PACS1: variants seen among roughly 807,000 people sequenced by gnomAD.
PACS1 encodes PACS-1.
In PACS1, 24 loss-of-function variants were observed where a neutral mutation model predicts 115.0. The observed-to-expected ratio is 0.21, with a 90% CI of 0.15 to 0.29. The LOEUF is 0.29. Among genes scored for constraint, PACS1 ranks in the 10% least tolerant of loss-of-function variants. PACS1 has a pLI of 1.00. For missense variants in PACS1, 838 were observed against 1,251.2 expected, an observed-to-expected ratio of 0.67 and a Z score of 4.98; for synonymous variants, 453 against 504.5, an observed-to-expected ratio of 0.90 and a Z score of 1.37.
intron 10 of PACS1, among the ~76,000 whole-genome samples, chr11:66,224,938 G>A (rs779009247): frequency 2.6e-5 from 4 of 151,990 alleles, no homozygotes; most frequent in Non-Finnish European, 5.9e-5. Context: ...TCAGTTTATC[G>A]CTAGAACCAG....
intron 2 of PACS1, among the ~76,000 whole-genome samples, chr11:66,198,570 A>G (rs1330602201): frequency 7.4e-6 from 1 of 134,470 alleles, no homozygotes; most frequent in Admixed American, 7.9e-5. Context: ...CAGGAAATAG[A>G]TTGTAGTTGC....
At chr11:66,112,100 C>T (rs1268069809) in intron 1 of PACS1, among the ~76,000 whole-genome samples, 1 of 152,224 alleles carries the variant, frequency 6.6e-6, no homozygotes, top group Non-Finnish European at 1.5e-5. Flanking sequence ...TGATCTGTTT[C>T]ACTGCCTGTG....
At chr11:66,190,283 A>G (rs1196724681) in intron 1 of PACS1, among the ~76,000 whole-genome samples, 1 of 152,178 alleles carries the variant, frequency 6.6e-6, no homozygotes, top group Non-Finnish European at 1.5e-5. Flanking sequence ...TCAGATGAGG[A>G]CGAACGTTGG....
At chr11:66,187,606 G>A (rs937636763) in intron 1 of PACS1, among the ~76,000 whole-genome samples, 2 of 152,098 alleles carry the variant, frequency 1.3e-5, no homozygotes, top group African/African-American at 4.8e-5. Flanking sequence ...AATATTCTCA[G>A]TTCCATCCAT....
At chr11:66,102,304 CTATTAT>C (rs546729593) in intron 1 of PACS1, among the ~76,000 whole-genome samples, 3,781 of 150,474 alleles carry the variant, frequency 0.025, 150 homozygotes, top group African/African-American at 0.084. Flanking sequence ...ATCGGATTTA[CTATTAT>C]TATTATTATT....
rs1370775205 is a variant in PACS1, at chr11:66,070,578, A to T, written c.92A>T (p.Gln31Leu). The change falls in exon 1 of 24, where the codon CAG becomes CTG. Residue 31 changes from glutamine to leucine, a missense_variant. Transcript: ENST00000320580. This position sits in a 1 kb window ranked among gnomAD's most constrained non-coding sequence, Gnocchi z 5.9. Reference protein sequence around the residue: ...RGSGVAQSPQQPPPQQQQQQP... With the variant: ...RGSGVAQSPQLPPPQQQQQQP... The stretch of plus-strand genomic sequence containing the variant: ...TCCGGGGTCGCCCAGTCCCCTCAGC[A>T]GCCGCCGCCGCAGCAGCAGCAGCAG... 6.0e-6 allele frequency: 9 copies of T among 1,491,798 alleles called. No homozygotes were observed. Among genetic ancestry groups the T allele is most frequent in the Non-Finnish European group, 8.0e-6 (9 of 1,127,970 alleles). 92.4% of individuals were successfully genotyped at this position (1,491,798 alleles called of 1,614,324 possible). A position where few individuals can be genotyped will look rare whatever the true frequency, so the allele number is the denominator to read the frequency against.
intron 1 of PACS1, among the ~76,000 whole-genome samples, chr11:66,112,130 C>T (rs534112234): frequency 2.0e-5 from 3 of 152,316 alleles, no homozygotes; most frequent in African/African-American, 7.2e-5. Flanking sequence ...TCTACACTGC[C>T]GGCAGAGTGG....
At chr11:66,195,057 C>G (rs997037818) in intron 2 of PACS1, among the ~76,000 whole-genome samples, 1 of 152,140 alleles carries the variant, frequency 6.6e-6, no homozygotes, top group Non-Finnish European at 1.5e-5. Context: ...AACCCCATCT[C>G]TACTAAAAAT....
At chr11:66,073,478 G>A (rs1471821624) in intron 1 of PACS1, among the ~76,000 whole-genome samples, 1 of 152,110 alleles carries the variant, frequency 6.6e-6, no homozygotes, top group African/African-American at 2.4e-5. Context: ...CAGAGAAGAG[G>A]GGCTCGAACA....
intron 1 of PACS1, among the ~76,000 whole-genome samples, chr11:66,153,015 G>A (rs1859275772): frequency 6.6e-6 from 1 of 152,176 alleles, no homozygotes; most frequent in Non-Finnish European, 1.5e-5. Flanking sequence ...ATGATACCAG[G>A]TGGTAACTCA....
chr11:66,159,790 T>G (rs1048152772), intron 1 of PACS1, among the ~76,000 whole-genome samples: 1 of 152,136 alleles, frequency 6.6e-6, no homozygotes, highest in East Asian at 1.9e-4. Flanking sequence ...GATTAAGAAA[T>G]TAACCACAGG....
chr11:66,243,123 G>A, intron 23 of PACS1, 42 bp from the exon 24 acceptor site: 1 of 1,610,940 alleles, frequency 6.2e-7, no homozygotes, highest in Non-Finnish European at 8.5e-7. Flanking sequence ...TGGGGAGATG[G>A]CCTGAGCAGT....
intron 1 of PACS1, among the ~76,000 whole-genome samples, chr11:66,115,067 G>T (rs1243489087): frequency 6.6e-6 from 1 of 151,828 alleles, no homozygotes; most frequent in African/African-American, 2.4e-5. Context: ...AAATTAGCCG[G>T]GCATGCTGGC....
At chr11:66,230,471 C>T (rs1340091236) in intron 11 of PACS1, 77 bp from the exon 12 acceptor site, 2 of 939,294 alleles carry the variant, frequency 2.1e-6, no homozygotes, top group African/African-American at 1.6e-5. Context: ...GGTGATGGGG[C>T]CTGGCCAGTC....
intron 1 of PACS1, among the ~76,000 whole-genome samples, chr11:66,176,701 A>G (rs577527759): frequency 1.4e-4 from 22 of 152,242 alleles, no homozygotes; most frequent in Admixed American, 4.6e-4. Flanking sequence ...TGCGTGAACC[A>G]TCATGCCCGG....
At chr11:66,083,974 G>A (rs1857526655) in intron 1 of PACS1, 1 of 152,170 alleles carries the variant, frequency 6.6e-6, no homozygotes, top group African/African-American at 2.4e-5. Flanking sequence ...ACACATTACA[G>A]ACCAGTCACT....
intron 10 of PACS1, 65 bp downstream of exon 10, chr11:66,221,312 C>A: frequency 7.5e-7 from 1 of 1,334,668 alleles, no homozygotes; most frequent in Non-Finnish European, 1.1e-6. Flanking sequence ...ACGCTCTGGC[C>A]CTCTGCATCT....
At chr11:66,231,928 A>C in intron 13 of PACS1, 1 of 417,910 alleles carries the variant, frequency 2.4e-6, no homozygotes. Flanking sequence ...CTGCCCTGGC[A>C]GGACAACCGC....
chr11:66,197,962 A>G (rs868084376), intron 2 of PACS1, among the ~76,000 whole-genome samples: 1 of 152,226 alleles, frequency 6.6e-6, no homozygotes, highest in Non-Finnish European at 1.5e-5. Context: ...ATGAGAATCT[A>G]GTTGTTTTCT....
Sources: gnomAD v4.1 joint callset for allele counts (sites outside exome capture counted in the v4.1 genomes callset) on GRCh38, gnomAD v4.1.1 for gene constraint, Gnocchi (gnomAD v3.1) non-coding constraint, MANE v1.5 for transcripts, NCBI Gene and HGNC (gene_info 2026-07-23, HGNC 2026-07-21) for gene names.